Variants in GFOD2 observed in about 807,000 individuals in gnomAD.
GFOD2 encodes the protein glucose-fructose oxidoreductase domain-containing protein 2.
In GFOD2, 9 loss-of-function variants were observed where a neutral mutation model predicts 24.6. The ratio of observed to expected loss-of-function variants is 0.37; its 90% confidence interval spans 0.22 to 0.64. The LOEUF is 0.64. GFOD2 is among the 30% of genes least tolerant of loss of function. The pLI is 0.65. For missense variants in GFOD2, 476 were observed against 532.5 expected, an observed-to-expected ratio of 0.89 and a Z score of 1.04; for synonymous variants, 211 against 224.8, an observed-to-expected ratio of 0.94 and a Z score of 0.55.
In GFOD2 at chr16:67,675,987, G is replaced by C. The variant is rs749055390; in HGVS notation, c.326C>G (p.Ala109Gly). 3 of 1,614,172 alleles carry C rather than the reference G, an allele frequency of 1.9e-6. No individual in the cohort carries two copies. ...CATGAGCTGCGGGTAGTAGCGCGAG[G>C]CTGTCACCATCCGGAAGGCATCCAC... ...TSVDAFRMVT[A>G]SRYYPQLMSL... Residue 109 changes from alanine (A) to glycine (G), a missense_variant, in exon 3 of 3, where the codon GCC (alanine) becomes GGC (glycine). Coordinates refer to ENST00000268797, the MANE Select transcript of GFOD2 (RefSeq NM_030819.4).
intron 1 of GFOD2, among the ~76,000 whole-genome samples, chr16:67,690,219 A>C (rs1171328433): frequency 6.6e-6 from 1 of 152,170 alleles, no homozygotes; most frequent in East Asian, 1.9e-4. Context: ...CATGGTAATT[A>C]GATTTTTAAT....
intron 1 of GFOD2, among the ~76,000 whole-genome samples, chr16:67,715,968 A>T (rs2053503510): frequency 6.6e-6 from 1 of 152,202 alleles, no homozygotes; most frequent in Admixed American, 6.5e-5. Flanking sequence ...TGATCACGCC[A>T]CTGTACTCCA....
chr16:67,699,671 A>G (rs2053386524), intron 1 of GFOD2, among the ~76,000 whole-genome samples: 1 of 152,032 alleles, frequency 6.6e-6, no homozygotes, highest in Non-Finnish European at 1.5e-5. Context: ...TTTTGTAGAG[A>G]AGGGGTTTTG....
At chr16:67,709,424 C>T (rs1407339864) in intron 1 of GFOD2, among the ~76,000 whole-genome samples, 1 of 152,070 alleles carries the variant, frequency 6.6e-6, no homozygotes, top group Non-Finnish European at 1.5e-5. Flanking sequence ...TAAGCACAGA[C>T]TATGAGCCAG....
At chr16:67,689,198 CT>C (rs1413591770) in intron 1 of GFOD2, among the ~76,000 whole-genome samples, 1 of 151,280 alleles carries the variant, frequency 6.6e-6, no homozygotes, top group Non-Finnish European at 1.5e-5. Context: ...GTCATCACCC[CT>C]GGCTAATTTT....
intron 2 of GFOD2, among the ~76,000 whole-genome samples, chr16:67,678,476 CA>C (rs144320358): frequency 2.1e-3 from 156 of 74,964 alleles, no homozygotes; most frequent in Admixed American, 2.8e-3. Flanking sequence ...AACTCTGTCT[CA>C]AAAAAAAAAA....
chr16:67,696,391 A>G (rs925247625), intron 1 of GFOD2, among the ~76,000 whole-genome samples: 2 of 151,610 alleles, frequency 1.3e-5, no homozygotes, highest in African/African-American at 4.9e-5. Context: ...AAAGCTGTGT[A>G]GGAATATGAG....
At chr16:67,712,142 A>G (rs2053478574) in intron 1 of GFOD2, among the ~76,000 whole-genome samples, 1 of 152,188 alleles carries the variant, frequency 6.6e-6, no homozygotes, top group African/African-American at 2.4e-5. Flanking sequence ...TGCACAGTCA[A>G]TAAACTAAGA....
chr16:67,707,243 A>G (rs1002422636), intron 1 of GFOD2, among the ~76,000 whole-genome samples: 1 of 151,530 alleles, frequency 6.6e-6, no homozygotes, highest in African/African-American at 2.4e-5. Flanking sequence ...CTGTAATCCC[A>G]GCTACTCAGG....
Position 67,711,569 on chromosome 16 carries a change from T to A in GFOD2, c.-88+7594A>T, listed in dbSNP as rs552230904. 3.9e-5 allele frequency among the ~76,000 whole-genome samples: 6 copies of A among 152,240 alleles called. No individual in the cohort carries two copies. In the South Asian group the frequency reaches 1.2e-3, roughly 32 times the overall value. Reference sequence around the variant, plus strand: ...ATGACTCCCAAAGTTATCAGCCAGGTCCTCTTTAAGCTCCAGACGGGTGCA... The same window carrying A: ...ATGACTCCCAAAGTTATCAGCCAGGACCTCTTTAAGCTCCAGACGGGTGCA... On this transcript the variant is annotated intron_variant, in intron 1 of 2. Coordinates refer to ENST00000268797, the MANE Select transcript of GFOD2 (RefSeq NM_030819.4).
chr16:67,691,658 AG>A (rs749823934), intron 1 of GFOD2, among the ~76,000 whole-genome samples: 1 of 151,930 alleles, frequency 6.6e-6, no homozygotes, highest in East Asian at 1.9e-4. Context: ...GTACCCCCCC[AG>A]GAGCTCCTCC....
Position 67,675,748 on chromosome 16 carries a change from G to C in GFOD2, c.565C>G (p.Leu189Val). The C allele has an allele frequency of 6.2e-7, 1 of 1,614,126 alleles. No individual in the cohort carries two copies. ...GTYIVDLLTH[L>V]TGRRAEKVHG... ...ACCTTCTCGGCTCTCCGGCCGGTCA[G>C]GTGGGTCAGCAGGTCCACAATGTAG... Residue 189 changes from leucine (L) to valine (V), a missense_variant, in exon 3 of 3, where the codon CTG becomes GTG. By Grantham distance (32) the Leu-to-Val change is conservative (BLOSUM62 1). Coordinates refer to ENST00000268797, the MANE Select transcript of GFOD2 (RefSeq NM_030819.4).
intron 2 of GFOD2, among the ~76,000 whole-genome samples, chr16:67,679,818 C>T (rs1471370306): frequency 2.7e-5 from 4 of 150,720 alleles, no homozygotes; most frequent in African/African-American, 7.3e-5. Context: ...ACCCCGGAGG[C>T]GGAGGTTGCA....
chr16:67,707,860 A>G (rs1449391692), intron 1 of GFOD2, among the ~76,000 whole-genome samples: 1 of 152,162 alleles, frequency 6.6e-6, no homozygotes, highest in African/African-American at 2.4e-5. Flanking sequence ...TATGAATCTT[A>G]AAAACATTAT....
In GFOD2 at chr16:67,718,868, T is replaced by A. The variant is rs971445129; in HGVS notation, c.-88+295A>T. Among the ~76,000 whole-genome samples, 7 of 152,070 alleles carry A rather than the reference T, an allele frequency of 4.6e-5. No individual in the cohort carries two copies. In the East Asian group the frequency reaches 1.2e-3, roughly 25 times the overall value. On this transcript the variant is annotated intron_variant, in intron 1 of 2. Coordinates refer to ENST00000268797, the MANE Select transcript of GFOD2 (RefSeq NM_030819.4). Reference sequence around the variant, plus strand: ...CGGCACAGGGCGGGGGAGACTAGGTTTTTGCATCTGGTAAAAGGATGGGTT... The same window carrying A: ...CGGCACAGGGCGGGGGAGACTAGGTATTTGCATCTGGTAAAAGGATGGGTT...
At chr16:67,707,785 A>C (rs1415700553) in intron 1 of GFOD2, among the ~76,000 whole-genome samples, 1 of 152,160 alleles carries the variant, frequency 6.6e-6, no homozygotes, top group Non-Finnish European at 1.5e-5. Context: ...TGCTGGCCTC[A>C]AGTGATCCCC....
chr16:67,700,491 C>CAA (rs1431625452), intron 1 of GFOD2, among the ~76,000 whole-genome samples: 1 of 152,066 alleles, frequency 6.6e-6, no homozygotes, highest in South Asian at 2.1e-4. Flanking sequence ...CACGGTGGCT[C>CAA]ACCTGAGGTC....
chr16:67,712,971 C>T lies in GFOD2; in HGVS notation c.-88+6192G>A, dbSNP rs1471325245. Among the ~76,000 whole-genome samples the T allele has an allele frequency of 3.9e-5, 5 of 128,556 alleles. 2 individuals are homozygous for T. Among genetic ancestry groups the T allele is most frequent in the African/African-American group, 1.7e-4 (4 of 23,164 alleles). The allele number at this position is 128,556 out of a possible 152,430, so 84.3% of individuals were successfully genotyped here. On this transcript the variant is annotated intron_variant, in intron 1 of 2. Transcript: ENST00000268797. ...GGATGTGAGGAGCGCCTCTGCTGGGCGCTCAAGTTCAAGTGATTTTCCTGC... is the reference window on the plus strand; with the variant it reads ...GGATGTGAGGAGCGCCTCTGCTGGGTGCTCAAGTTCAAGTGATTTTCCTGC...
rs113170495 is a variant in GFOD2, at chr16:67,675,174, A to T, written c.1139T>A (p.Leu380His). Residue 380 changes from leucine to histidine, a missense_variant, in exon 3 of 3, where the codon CTT becomes CAT. Physicochemically the swap from Leu to His is moderately conservative, Grantham distance 99 (BLOSUM62 -3). Transcript: ENST00000268797. ...PDTNQNLCEA[L>H]QRNNL ...GCAGGCTCATAGGTTGTTCCGCTGAAGTGCCTCACACAGGTTCTGGTTGGT... is the reference window on the plus strand; with the variant it reads ...GCAGGCTCATAGGTTGTTCCGCTGATGTGCCTCACACAGGTTCTGGTTGGT... 1.2e-6 allele frequency: 2 copies of T among 1,613,116 alleles called. No individual in the cohort carries two copies. The highest frequency in any genetic ancestry group is 2.7e-5 in the African/African-American group (2 of 74,936).
Sources: gnomAD v4.1 joint callset for allele counts (sites outside exome capture counted in the v4.1 genomes callset) on GRCh38, gnomAD v4.1.1 for gene constraint, MANE v1.5 for transcripts, NCBI Gene and HGNC (gene_info 2026-07-23, HGNC 2026-07-21) for gene names.